The following SLC24A2 variants were observed in gnomAD, a reference collection of about 807,000 sequenced individuals.
SLC24A2 encodes solute carrier family 24 member 2, also known as sodium/potassium/calcium exchanger 2.
SLC24A2 carries 36 observed loss-of-function variants against 62.0 expected under a neutral mutation model. That is an observed-to-expected ratio of 0.58 (90% CI 0.44 to 0.77). The LOEUF (loss-of-function observed/expected upper bound fraction) is 0.77. Ranked by LOEUF, SLC24A2 falls within the 30% of genes least tolerant of loss-of-function variation. SLC24A2 has a pLI of 0.00. For synonymous variants in SLC24A2, 358 were observed against 294.0 expected, an observed-to-expected ratio of 1.22 and a Z score of -2.23; for missense variants, 846 against 817.9, an observed-to-expected ratio of 1.03 and a Z score of -0.42.
chr9:20,203,471 C>G, the SLC24A2 span, among the ~76,000 whole-genome samples: 1 of 152,166 alleles, frequency 6.6e-6, no homozygotes, highest in Admixed American at 6.5e-5. Context: ...GCCGCTTAAG[C>G]TCTCAGGACT....
At chr9:20,212,411 G>A in the SLC24A2 span, among the ~76,000 whole-genome samples, 1 of 151,826 alleles carries the variant, frequency 6.6e-6, no homozygotes, top group African/African-American at 2.4e-5. Context: ...AGCACTTTGG[G>A]AAGCCAAAGC....
At chr9:19,887,040 T>C in the SLC24A2 span, among the ~76,000 whole-genome samples, 1 of 151,890 alleles carries the variant, frequency 6.6e-6, no homozygotes, top group Non-Finnish European at 1.5e-5. Context: ...CAACACACAC[T>C]AGGGCCTGTA....
chr9:20,284,062 G>A, the SLC24A2 span, among the ~76,000 whole-genome samples: 7 of 152,026 alleles, frequency 4.6e-5, no homozygotes, highest in African/African-American at 7.3e-5. Flanking sequence ...TTGACTCTCC[G>A]TGGCTGCCGA....
chr9:19,731,516 C>CTCTCTCCGT (rs72153360), intron 2 of SLC24A2, among the ~76,000 whole-genome samples: 6 of 113,822 alleles, frequency 5.3e-5, no homozygotes, highest in African/African-American at 1.3e-4. Context: ...TCTCTCTCTC[C>CTCTCTCCGT]GTGTGTGTGT....
chr9:19,851,379 C>T, the SLC24A2 span, among the ~76,000 whole-genome samples: 1 of 151,946 alleles, frequency 6.6e-6, no homozygotes, highest in African/African-American at 2.4e-5. Flanking sequence ...GCAGGATGTG[C>T]AGGTTTATTA....
At chr9:19,895,294 G>T in the SLC24A2 span, among the ~76,000 whole-genome samples, 1 of 149,938 alleles carries the variant, frequency 6.7e-6, no homozygotes, top group Non-Finnish European at 1.5e-5. Context: ...ACATCAAACT[G>T]CAGACAAATA....
At chr9:19,899,040 C>T in the SLC24A2 span, among the ~76,000 whole-genome samples, 2 of 152,204 alleles carry the variant, frequency 1.3e-5, no homozygotes, top group Non-Finnish European at 2.9e-5. Context: ...ATGCTGCTCC[C>T]TGACTCCAGA....
the SLC24A2 span, among the ~76,000 whole-genome samples, chr9:20,230,362 T>G: frequency 6.6e-6 from 1 of 152,128 alleles, no homozygotes; most frequent in Admixed American, 6.5e-5. Context: ...AGTGTAAAAG[T>G]GTTCCTATTT....
the SLC24A2 span, among the ~76,000 whole-genome samples, chr9:20,056,429 A>G: frequency 2.0e-5 from 3 of 152,216 alleles, no homozygotes; most frequent in African/African-American, 7.2e-5. Context: ...AATACAATCT[A>G]CCACAAAAGG....
chr9:20,104,663 A>C, the SLC24A2 span, among the ~76,000 whole-genome samples: 5 of 152,166 alleles, frequency 3.3e-5, no homozygotes, highest in African/African-American at 1.2e-4. Flanking sequence ...AGATTTTGTC[A>C]CCACCAGGCC....
At chr9:19,975,654 T>G in the SLC24A2 span, among the ~76,000 whole-genome samples, 2 of 152,242 alleles carry the variant, frequency 1.3e-5, no homozygotes, top group African/African-American at 4.8e-5. Flanking sequence ...ATCTTTATTA[T>G]TATGACACAT....
the SLC24A2 span, among the ~76,000 whole-genome samples, chr9:20,016,223 G>T: frequency 6.6e-6 from 1 of 152,060 alleles, no homozygotes; most frequent in Non-Finnish European, 1.5e-5. Flanking sequence ...TAGCTTGATT[G>T]TACTGTATTA....
the SLC24A2 span, among the ~76,000 whole-genome samples, chr9:20,201,135 G>GC: frequency 6.6e-6 from 1 of 152,190 alleles, no homozygotes; most frequent in Non-Finnish European, 1.5e-5. Context: ...TCTCTTGGCT[G>GC]CATGCTCCAG....
At chr9:20,226,167 G>A in the SLC24A2 span, among the ~76,000 whole-genome samples, 1 of 152,040 alleles carries the variant, frequency 6.6e-6, no homozygotes, top group African/African-American at 2.4e-5. Flanking sequence ...GAATATGCAA[G>A]GAAATTGAGG....
At chr9:19,812,314 T>C in the SLC24A2 span, among the ~76,000 whole-genome samples, 3 of 152,138 alleles carry the variant, frequency 2.0e-5, no homozygotes, top group African/African-American at 7.2e-5. Flanking sequence ...AAATTTATGT[T>C]AAACTTTGTA....
At chr9:20,032,056 G>A in the SLC24A2 span, among the ~76,000 whole-genome samples, 53 of 152,280 alleles carry the variant, frequency 3.5e-4, 1 homozygote, top group African/African-American at 1.0e-3. Flanking sequence ...CTGACTATGC[G>A]TCTAGTCTGA....
chr9:19,832,270 A>G, the SLC24A2 span, among the ~76,000 whole-genome samples: 30 of 152,376 alleles, frequency 2.0e-4, no homozygotes, highest in African/African-American at 6.7e-4. Context: ...ATATGTCTTC[A>G]AAGTAATTTG....
chr9:19,580,751 T>A (rs1028665389), intron 5 of SLC24A2, among the ~76,000 whole-genome samples: 14 of 152,184 alleles, frequency 9.2e-5, no homozygotes, highest in African/African-American at 3.1e-4. Context: ...GCTGGGCGAT[T>A]TGTGGTGAGT....
intron 2 of SLC24A2, among the ~76,000 whole-genome samples, chr9:19,774,894 T>C (rs1458689521): frequency 6.6e-6 from 1 of 152,164 alleles, no homozygotes; most frequent in African/African-American, 2.4e-5. Context: ...GGCCAACCCA[T>C]AAGTACAAGC....
Sources: gnomAD v4.1 joint callset for allele counts (sites outside exome capture counted in the v4.1 genomes callset) on GRCh38, gnomAD v4.1.1 for gene constraint, MANE v1.5 for transcripts, NCBI Gene and HGNC (gene_info 2026-07-23, HGNC 2026-07-21) for gene names.